The following YWHAQ variants were observed in gnomAD, a reference collection of about 807,000 sequenced individuals.
YWHAQ encodes the protein tyrosine 3-monooxygenase/tryptophan 5-monooxygenase activation protein theta.
A neutral mutation model predicts 28.3 loss-of-function variants in YWHAQ; 6 were observed. The observed-to-expected ratio is 0.21, with a 90% CI of 0.12 to 0.42. The LOEUF is 0.42. Among genes scored for constraint, YWHAQ ranks in the 10% least tolerant of loss-of-function variants. The pLI is 1.00. For synonymous variants in YWHAQ, 143 were observed against 119.1 expected, an observed-to-expected ratio of 1.20 and a Z score of -1.31; for missense variants, 201 against 305.6, an observed-to-expected ratio of 0.66 and a Z score of 2.55.
chr2:9,600,302 GC>G (rs1468781266), intron 2 of YWHAQ, among the ~76,000 whole-genome samples: 1 of 152,206 alleles, frequency 6.6e-6, no homozygotes, highest in East Asian at 1.9e-4. Context: ...TGAAAACACT[GC>G]ATAAACTTAG....
intron 2 of YWHAQ, among the ~76,000 whole-genome samples, chr2:9,612,258 G>A (rs935116067): frequency 2.6e-5 from 4 of 151,978 alleles, no homozygotes; most frequent in African/African-American, 7.3e-5. Context: ...CCTCTTTCTC[G>A]GATCCAGTTT....
At chr2:9,593,916 A>G (rs1666512163) in intron 2 of YWHAQ, among the ~76,000 whole-genome samples, 1 of 126,422 alleles carries the variant, frequency 7.9e-6, no homozygotes, top group Non-Finnish European at 1.6e-5. Flanking sequence ...ATATATATAT[A>G]TATATATACA....
chr2:9,618,290 C>A (rs1667073952), intron 2 of YWHAQ, among the ~76,000 whole-genome samples: 1 of 152,060 alleles, frequency 6.6e-6, no homozygotes, highest in African/African-American at 2.4e-5. Flanking sequence ...AACTGACACT[C>A]CAAGTTTTTA....
At chr2:9,598,012 T>C (rs1357441187) in intron 2 of YWHAQ, among the ~76,000 whole-genome samples, 2 of 132,174 alleles carry the variant, frequency 1.5e-5, no homozygotes, top group Non-Finnish European at 3.3e-5. Context: ...TTTTTTTTTT[T>C]TAGTAGAGAC....
intron 2 of YWHAQ, among the ~76,000 whole-genome samples, chr2:9,604,826 T>C (rs895896520): frequency 6.6e-6 from 1 of 152,216 alleles, no homozygotes; most frequent in Non-Finnish European, 1.5e-5. Context: ...ACAGTAATTC[T>C]GAAGCACTAA....
At chr2:9,591,079 C>T (rs2125062776) in intron 3 of YWHAQ, among the ~76,000 whole-genome samples, 1 of 152,270 alleles carries the variant, frequency 6.6e-6, no homozygotes, top group African/African-American at 2.4e-5. Context: ...ATAAAGTTTA[C>T]ACAAAAAACT....
chr2:9,605,184 G>A (rs1374044303), intron 2 of YWHAQ, among the ~76,000 whole-genome samples: 6 of 135,820 alleles, frequency 4.4e-5, no homozygotes, highest in African/African-American at 1.4e-4. Flanking sequence ...TGTTGCTCAT[G>A]CTAGAATACA....
At chr2:9,598,110 G>A (rs935599458) in intron 2 of YWHAQ, among the ~76,000 whole-genome samples, 1 of 150,178 alleles carries the variant, frequency 6.7e-6, no homozygotes, top group African/African-American at 2.5e-5. Context: ...GGGATTACAG[G>A]CATGAGCCAC....
chr2:9,598,011 T>TTTTGTTTG (rs1397521514), intron 2 of YWHAQ, among the ~76,000 whole-genome samples: 1 of 137,102 alleles, frequency 7.3e-6, no homozygotes, highest in Non-Finnish European at 1.6e-5. Flanking sequence ...TTTTTTTTTT[T>TTTTGTTTG]TTAGTAGAGA....
chr2:9,594,892 A>C (rs1666538343), intron 2 of YWHAQ, among the ~76,000 whole-genome samples: 1 of 152,192 alleles, frequency 6.6e-6, no homozygotes, highest in Admixed American at 6.5e-5. Flanking sequence ...GTTCTCAAGG[A>C]CTGTGGACAA....
chr2:9,614,030 C>G (rs1234318743), intron 2 of YWHAQ, among the ~76,000 whole-genome samples: 1 of 152,140 alleles, frequency 6.6e-6, no homozygotes, highest in Non-Finnish European at 1.5e-5. Flanking sequence ...GCAGCCTAAC[C>G]AATTCCAGAT....
chr2:9,623,698 G>A (rs568164337), intron 2 of YWHAQ, among the ~76,000 whole-genome samples: 9 of 152,216 alleles, frequency 5.9e-5, no homozygotes, highest in Admixed American at 5.2e-4. Flanking sequence ...GCTTGAACCC[G>A]GAGGCAGAGG....
intron 2 of YWHAQ, among the ~76,000 whole-genome samples, chr2:9,605,775 C>T (rs1051700260): frequency 1.3e-5 from 2 of 149,814 alleles, no homozygotes; most frequent in Non-Finnish European, 3.0e-5. Flanking sequence ...GTTGGCCAGG[C>T]TGGTCTCCAA....
rs1667348206 is a variant in YWHAQ, at chr2:9,630,496, A to T, written c.-44T>A. On this transcript the variant is annotated 5_prime_UTR_variant, in exon 2 of 6. Coordinates refer to ENST00000238081, the MANE Select transcript of YWHAQ (RefSeq NM_006826.4). The surrounding 1 kb of genome is among the most constrained non-coding windows in gnomAD (Gnocchi z 5.6). Reference sequence around the variant, plus strand: ...GCCGGGGCGGAGGGCGAGGAGAGCGAGGGCGAGCGCCGACCCGCAGCGGGA... The same window carrying T: ...GCCGGGGCGGAGGGCGAGGAGAGCGTGGGCGAGCGCCGACCCGCAGCGGGA... 1 of 1,513,752 alleles carries T rather than the reference A, an allele frequency of 6.6e-7. No homozygotes were observed. Among genetic ancestry groups the T allele is most frequent in the Admixed American group, 2.0e-5 (1 of 49,324 alleles). 93.8% of individuals were successfully genotyped at this position (1,513,752 alleles called of 1,614,324 possible).
In YWHAQ at chr2:9,585,943, T is replaced by A. The variant is rs545841405; in HGVS notation, c.679-598A>T. Among the ~76,000 whole-genome samples the A allele has an allele frequency of 3.4e-3, 519 of 151,634 alleles. 4 individuals are homozygous for A. Among genetic ancestry groups the A allele is most frequent in the African/African-American group, 9.8e-3 (406 of 41,322 alleles). On this transcript the variant is annotated intron_variant, in intron 5 of 5. Coordinates refer to ENST00000238081, the MANE Select transcript of YWHAQ (RefSeq NM_006826.4). Reference sequence around the variant, plus strand: ...AAAAAAAAAAAAAGAGAAACTTTTTTAAAAAGGCACTCTACTTTCAGAATA... The same window carrying A: ...AAAAAAAAAAAAAGAGAAACTTTTTAAAAAAGGCACTCTACTTTCAGAATA...
intron 2 of YWHAQ, among the ~76,000 whole-genome samples, chr2:9,593,078 C>A (rs191477665): frequency 6.6e-6 from 1 of 152,232 alleles, no homozygotes; most frequent in East Asian, 1.9e-4. Context: ...GTTGGCAAGT[C>A]TGGAGAATTA....
chr2:9,625,769 T>C (rs902250320), intron 2 of YWHAQ, among the ~76,000 whole-genome samples: 2 of 152,144 alleles, frequency 1.3e-5, no homozygotes, highest in African/African-American at 4.8e-5. Flanking sequence ...GCCATTATTC[T>C]AACTACAAGC....
At chr2:9,590,685 T>A (rs1352855788) in intron 3 of YWHAQ, among the ~76,000 whole-genome samples, 1 of 152,172 alleles carries the variant, frequency 6.6e-6, no homozygotes, top group Non-Finnish European at 1.5e-5. Flanking sequence ...TCGGTCACTT[T>A]TTCTCATATC....
rs537465134 is a variant in YWHAQ at position 9,619,578 on chromosome 2, G to A, written c.294+10581C>T. Among the ~76,000 whole-genome samples the A allele has an allele frequency of 3.3e-5, 5 of 151,728 alleles. No homozygotes were observed. In the East Asian group the frequency reaches 9.7e-4, roughly 29 times the overall value. The stretch of plus-strand genomic sequence containing the variant: ...AAAAAAACATACACAAAAAAACAAA[G>A]AGTTACATGTAAAAAAATTAAAAAT... On this transcript the variant is annotated intron_variant, in intron 2 of 5. Transcript: ENST00000238081.
Sources: gnomAD v4.1 joint callset for allele counts (sites outside exome capture counted in the v4.1 genomes callset) on GRCh38, gnomAD v4.1.1 for gene constraint, Gnocchi (gnomAD v3.1) non-coding constraint, MANE v1.5 for transcripts, NCBI Gene and HGNC (gene_info 2026-07-23, HGNC 2026-07-21) for gene names.